Variants in LITAF observed in about 807,000 individuals in gnomAD.
LITAF encodes lipopolysaccharide-induced tumor necrosis factor-alpha factor.
In LITAF, 9 loss-of-function variants were observed where a neutral mutation model predicts 14.5. The ratio of observed to expected loss-of-function variants is 0.62; its 90% CI spans 0.37 to 1.08. The LOEUF (loss-of-function observed/expected upper bound fraction) is 1.08, where lower values mean the gene tolerates loss of function less well. Among genes scored for constraint, LITAF ranks in the 50% least tolerant of loss-of-function variants. LITAF has a pLI of 0.01. For missense variants in LITAF, 206 were observed against 213.4 expected, an observed-to-expected ratio of 0.97 and a Z score of 0.22; for synonymous variants, 98 against 88.2, an observed-to-expected ratio of 1.11 and a Z score of -0.62.
At chr16:11,637,772 T>G (rs955600973), upstream of LITAF, among the ~76,000 whole-genome samples, 1 of 150,102 alleles carries the variant, frequency 6.7e-6, no homozygotes, top group South Asian at 2.1e-4. Context: ...TCCCAGCTAC[T>G]CCAGAGGCTG....
At position 11,548,429 on chromosome 16, in the gene LITAF, T is replaced by C. The variant is rs2064135358; in HGVS notation, c.*1208A>G. On this transcript the variant is annotated 3_prime_UTR_variant, in exon 4 of 4. Coordinates refer to ENST00000622633, the MANE Select transcript of LITAF (RefSeq NM_001136472.2). ...TTCTGGTTCCCAAGCATCCGCACCATGGTACCCAGACATGCTCAAAATGTG... is the reference window on the plus strand; with the variant it reads ...TTCTGGTTCCCAAGCATCCGCACCACGGTACCCAGACATGCTCAAAATGTG... 2.2e-6 allele frequency: 1 copy of C among 453,878 alleles called. No individual in the cohort carries two copies. Among genetic ancestry groups the C allele is most frequent in the South Asian group, 1.6e-5 (1 of 64,468 alleles). The allele number at this position is 453,878 out of a possible 1,614,324, so 28.1% of individuals were successfully genotyped here.
Position 11,553,705 on chromosome 16 carries a change from G to C in LITAF, c.221-16C>G. 6.2e-7 allele frequency: 1 copy of C among 1,613,962 alleles called. No homozygotes were observed. Among genetic ancestry groups the C allele is most frequent in the Non-Finnish European group, 8.5e-7 (1 of 1,179,942 alleles). The stretch of plus-strand genomic sequence containing the variant: ...TGCACGGTAACTGATGAAAGGGAGA[G>C]GGACAAACACAGGTTGCTCAGGAAA... On this transcript the variant is annotated splice_polypyrimidine_tract_variant and intron_variant, in intron 2 of 3. Coordinates refer to ENST00000622633, the MANE Select transcript of LITAF (RefSeq NM_001136472.2). This position sits in a 1 kb window ranked among gnomAD's most constrained non-coding sequence, Gnocchi z 7.7.
At chr16:11,607,012 G>T (rs1053535541) in intron 3 of LITAF, among the ~76,000 whole-genome samples, 8 of 152,174 alleles carry the variant, frequency 5.3e-5, no homozygotes, top group Admixed American at 2.0e-4. Context: ...TGAGGAAACT[G>T]AGTTCAGAGA....
chr16:11,584,182 C>T (rs1339647015), intron 1 of LITAF: 1 of 152,208 alleles, frequency 6.6e-6, no homozygotes, highest in East Asian at 1.9e-4. Flanking sequence ...CTAAGGAAGT[C>T]TATTTACCTG....
In LITAF at chr16:11,549,074, T is replaced by A; in HGVS notation, c.*563A>T. 1 of 453,690 alleles carries A rather than the reference T, an allele frequency of 2.2e-6. No homozygotes were observed. Among genetic ancestry groups the A allele is most frequent in the Non-Finnish European group, 4.4e-6 (1 of 226,722 alleles). 28.1% of individuals were successfully genotyped at this position (453,690 alleles called of 1,614,324 possible). Reference sequence around the variant, plus strand: ...GTATTTAAAAAAAAAATTAAGAAATTAAAGTGAATCTGTGTGCTAATGAAG... The same window carrying A: ...GTATTTAAAAAAAAAATTAAGAAATAAAAGTGAATCTGTGTGCTAATGAAG... On this transcript the variant is annotated 3_prime_UTR_variant, in exon 4 of 4. Coordinates refer to ENST00000622633, the MANE Select transcript of LITAF (RefSeq NM_001136472.2). This position sits in a 1 kb window ranked among gnomAD's most constrained non-coding sequence, Gnocchi z 4.6.
intron 3 of LITAF, among the ~76,000 whole-genome samples, chr16:11,604,583 G>T (rs893808415): frequency 5.3e-5 from 8 of 150,638 alleles, no homozygotes; most frequent in Non-Finnish European, 1.0e-4. Context: ...AAGGCAGGAG[G>T]ATTGCTTGAG....
chr16:11,587,178 G>T, upstream of LITAF: 1 of 323,242 alleles, frequency 3.1e-6, no homozygotes, highest in Admixed American at 4.0e-5. Context: ...CGGACCTGGT[G>T]TCTCCCCCAC....
At chr16:11,630,364 A>G (rs2065110359) in intron 3 of LITAF, among the ~76,000 whole-genome samples, 1 of 152,090 alleles carries the variant, frequency 6.6e-6, no homozygotes, top group Non-Finnish European at 1.5e-5. Context: ...AACTGCTTTA[A>G]ACTCGCCAAT....
In LITAF at chr16:11,553,603, T is replaced by C. The variant is rs1222027764; in HGVS notation, c.307A>G (p.Ile103Val). 1.2e-6 allele frequency: 2 copies of C among 1,614,096 alleles called. No homozygotes were observed. Among genetic ancestry groups the C allele is most frequent in the Non-Finnish European group, 8.5e-7 (1 of 1,180,030 alleles). Reference sequence around the variant, plus strand: ...GCGTTATAGGACAGCTGACTCACGATCATCTTGTTGCAGGAAGGACAACAC... The same window carrying C: ...GCGTTATAGGACAGCTGACTCACGACCATCTTGTTGCAGGAAGGACAACAC... ...QMCCPSCNKM[I>V]VSQLSYNAGA... Residue 103 changes from isoleucine (I) to valine (V), a missense_variant, in exon 3 of 4, where the codon ATC becomes GTC. Ile to Val is a conservative substitution (Grantham distance 29). Transcript: ENST00000622633. The surrounding 1 kb of genome is among the most constrained non-coding windows in gnomAD (Gnocchi z 7.7).
intron 3 of LITAF, among the ~76,000 whole-genome samples, chr16:11,616,621 T>C (rs1323420370): frequency 6.6e-6 from 1 of 152,074 alleles, no homozygotes; most frequent in Non-Finnish European, 1.5e-5. Flanking sequence ...ACCAAATACA[T>C]ATTTCCTATT....
At chr16:11,607,538 C>T (rs1170289957) in intron 3 of LITAF, among the ~76,000 whole-genome samples, 1 of 150,204 alleles carries the variant, frequency 6.7e-6, no homozygotes, top group Non-Finnish European at 1.5e-5. Context: ...ATATGGGTAT[C>T]ATTCGGGAAA....
Position 11,586,312 on chromosome 16 carries a change from C to A in LITAF, c.-6+574G>T, listed in dbSNP as rs963508495. ...TCTGATTTTCACCTCCCCAGGGTCT[C>A]CCAGGGGCCTCGGGTGTCCTTCCCG... On this transcript the variant is annotated intron_variant, in intron 1 of 3. Transcript: ENST00000622633. This position sits in a 1 kb window ranked among gnomAD's most constrained non-coding sequence, Gnocchi z 6.5. The A allele has an allele frequency of 6.6e-6, 1 of 152,328 alleles. No homozygotes were observed. The highest frequency in any genetic ancestry group is 2.4e-5 in the African/African-American group (1 of 41,478). The allele number at this position is 152,328 out of a possible 1,614,324, so 9.4% of individuals were successfully genotyped here.
chr16:11,627,177 T>G (rs1052354007), intron 3 of LITAF, among the ~76,000 whole-genome samples: 1 of 152,146 alleles, frequency 6.6e-6, no homozygotes, highest in Non-Finnish European at 1.5e-5. Flanking sequence ...CAGTGATTGC[T>G]CCAGTAATGG....
intron 3 of LITAF, among the ~76,000 whole-genome samples, chr16:11,627,965 T>C (rs1410630917): frequency 2.7e-5 from 4 of 145,672 alleles, no homozygotes; most frequent in African/African-American, 7.6e-5. Context: ...TGCAGTGAGA[T>C]TGCGTCACTG....
intron 3 of LITAF, among the ~76,000 whole-genome samples, chr16:11,609,227 A>G (rs914422200): frequency 2.7e-5 from 4 of 148,906 alleles, no homozygotes; most frequent in African/African-American, 7.4e-5. Context: ...TTTTTTTTTA[A>G]TACGGAGTCT....
At position 11,553,111 on chromosome 16, in the gene LITAF, T is replaced by C. The variant is rs978121441; in HGVS notation, c.377+422A>G. ...GCCTGGGCAACAGAGTGAGAATCCA[T>C]CACAAAAAAAGAAAGAAATGCCTTA... On this transcript the variant is annotated intron_variant, in intron 3 of 3. Transcript: ENST00000622633. This position sits in a 1 kb window ranked among gnomAD's most constrained non-coding sequence, Gnocchi z 7.7. Among the ~76,000 whole-genome samples, 6 of 149,064 alleles carry C rather than the reference T, an allele frequency of 4.0e-5. No homozygotes were observed. The highest frequency in any genetic ancestry group is 1.5e-4 in the African/African-American group (6 of 40,186).
At chr16:11,579,941 C>A (rs182606025) in intron 1 of LITAF, among the ~76,000 whole-genome samples, 1 of 152,278 alleles carries the variant, frequency 6.6e-6, no homozygotes, top group Non-Finnish European at 1.5e-5. Context: ...TGAGAAACTG[C>A]AGACACAGGA....
intron 3 of LITAF, among the ~76,000 whole-genome samples, chr16:11,611,427 G>A (rs2064981526): frequency 6.6e-6 from 1 of 152,140 alleles, no homozygotes; most frequent in East Asian, 1.9e-4. Context: ...AATACAGCAT[G>A]GGATATACTT....
intron 3 of LITAF, among the ~76,000 whole-genome samples, chr16:11,629,691 A>C (rs533905982): frequency 6.6e-5 from 10 of 152,258 alleles, no homozygotes; most frequent in African/African-American, 2.4e-4. Flanking sequence ...GGTGGGAAGA[A>C]TTAAACAGAC....
Sources: allele counts gnomAD v4.1 joint callset (sites outside exome capture counted in the v4.1 genomes callset), GRCh38; gene constraint gnomAD v4.1.1; non-coding constraint Gnocchi (gnomAD v3.1); transcripts MANE v1.5; gene names NCBI Gene and HGNC (gene_info 2026-07-23, HGNC 2026-07-21).